Variants in NPL observed in about 807,000 individuals in gnomAD.
NPL encodes the protein N-acetylneuraminate pyruvate lyase, also known as N-acetylneuraminate lyase.
NPL carries 32 observed loss-of-function variants against 41.1 expected under a neutral mutation model. The observed-to-expected ratio is 0.78, with a 90% CI of 0.59 to 1.05. NPL has a LOEUF of 1.05. Ranked by LOEUF, NPL falls within the 50% of genes least tolerant of loss-of-function variation. The pLI, the probability that NPL is intolerant of heterozygous loss-of-function variation, is 0.00. For missense variants in NPL, 321 were observed against 378.4 expected (o/e 0.85, Z 1.26); for synonymous variants, 128 against 134.9 (o/e 0.95, Z 0.35).
intron 2 of NPL, among the ~76,000 whole-genome samples, chr1:182,793,015 A>G (rs1666558967): frequency 6.6e-6 from 1 of 152,244 alleles, no homozygotes; most frequent in Non-Finnish European, 1.5e-5. Context: ...TAATGTCAGA[A>G]CTATAGCATA....
chr1:182,809,881 GC>G (rs1357547069), intron 5 of NPL: 1 of 152,196 alleles, frequency 6.6e-6, no homozygotes, highest in Admixed American at 6.5e-5. Context: ...AAGAGGAAGA[GC>G]AAATGGATGA....
chr1:182,818,693 A>AG lies in NPL; in HGVS notation c.606+5dup, dbSNP rs1557951139. ...TTTCCTTTTTGGGGTGGATGAGGTA[A>AG]GTCACCCCCTAGCATGTTGCAGCAG... is the stretch of plus-strand genomic sequence containing the variant. On this transcript the variant is annotated splice_donor_region_variant and intron_variant, in intron 9 of 12. Coordinates refer to ENST00000367553, the MANE Select transcript of NPL (RefSeq NM_030769.3). 4 of 1,614,028 alleles carry AG rather than the reference A, an allele frequency of 2.5e-6. No individual in the cohort carries two copies. Among genetic ancestry groups the AG allele is most frequent in the Non-Finnish European group, 2.5e-6 (3 of 1,180,030 alleles).
intron 5 of NPL, among the ~76,000 whole-genome samples, chr1:182,807,890 CAA>C (rs61314915): frequency 1.4e-4 from 8 of 56,266 alleles, no homozygotes; most frequent in Non-Finnish European, 2.2e-4. Flanking sequence ...GACTCCATCT[CAA>C]AAAAAAAAAA....
chr1:182,821,304 A>G (rs937944484), intron 10 of NPL, among the ~76,000 whole-genome samples: 3 of 152,232 alleles, frequency 2.0e-5, no homozygotes, highest in Non-Finnish European at 2.9e-5. Context: ...ATGAGTTTCT[A>G]TAACCTTCTA....
Position 182,818,837 on chromosome 1 carries a change from G to A in NPL, c.631G>A (p.Gly211Arg). ...DEQLLSALVM[G>R]ATGAVGSTYN... ...GCAACTGTTGAGTGCTCTGGTGATG[G>A]GAGCAACTGGAGCAGTGGGCAGGTA... Residue 211 changes from glycine to arginine, a missense_variant, in exon 10 of 13, where the codon GGA (glycine) becomes AGA (arginine). Transcript: ENST00000367553. 6.2e-7 allele frequency: 1 copy of A among 1,614,036 alleles called. No individual in the cohort carries two copies. Among genetic ancestry groups the A allele is most frequent in the Non-Finnish European group, 8.5e-7 (1 of 1,179,962 alleles).
intron 10 of NPL, among the ~76,000 whole-genome samples, chr1:182,820,094 C>T (rs1667448556): frequency 6.6e-6 from 1 of 152,236 alleles, no homozygotes; most frequent in Non-Finnish European, 1.5e-5. Context: ...CTTTAGCATG[C>T]ACATGGCCAG....
chr1:182,800,608 C>T (rs1242252931), intron 3 of NPL, among the ~76,000 whole-genome samples: 1 of 152,038 alleles, frequency 6.6e-6, no homozygotes, highest in Admixed American at 6.6e-5. Flanking sequence ...CAAACTTGCA[C>T]CTGCAGAGTC....
At chr1:182,809,632 CTG>C (rs1667122378) in intron 5 of NPL, among the ~76,000 whole-genome samples, 1 of 151,646 alleles carries the variant, frequency 6.6e-6, no homozygotes, top group South Asian at 2.1e-4. Flanking sequence ...ATAAGGGAGT[CTG>C]TGTGTGAAAG....
chr1:182,793,374 G>A (rs1230141853), intron 2 of NPL, among the ~76,000 whole-genome samples: 1 of 152,112 alleles, frequency 6.6e-6, no homozygotes, highest in Non-Finnish European at 1.5e-5. Flanking sequence ...GAGATCCTTT[G>A]GCCCCAAATG....
In NPL at chr1:182,818,760, A is replaced by G. The variant is rs779158340; in HGVS notation, c.607-53A>G. On this transcript the variant is annotated intron_variant, in intron 9 of 12. Transcript: ENST00000367553. ...ACAATTTGTGTAGCTATATAGTAGC[A>G]TCTCTTCTCTTTCTCTTTTTTATAC... The G allele has an allele frequency of 3.7e-6, 6 of 1,613,538 alleles. No homozygotes were observed. The South Asian group carries it at 6.6e-5, about 18-fold the overall frequency.
At chr1:182,812,937 G>A (rs1025882724) in intron 6 of NPL, among the ~76,000 whole-genome samples, 10 of 152,000 alleles carry the variant, frequency 6.6e-5, no homozygotes, top group African/African-American at 2.4e-4. Context: ...GGCAGATCAC[G>A]AGGTCAGGAG....
At chr1:182,790,062 C>G (rs1270416930) in intron 1 of NPL, among the ~76,000 whole-genome samples, 2 of 152,220 alleles carry the variant, frequency 1.3e-5, no homozygotes, top group Non-Finnish European at 2.9e-5. Context: ...GCCGGGTCTC[C>G]AAAGGTCCTT....
chr1:182,825,051 C>T (rs1667595525), intron 11 of NPL, among the ~76,000 whole-genome samples: 1 of 152,152 alleles, frequency 6.6e-6, no homozygotes, highest in African/African-American at 2.4e-5. Context: ...GCCAAAATCA[C>T]AGAATGCTTT....
At chr1:182,798,056 T>C (rs1485850830) in intron 3 of NPL, among the ~76,000 whole-genome samples, 1 of 152,130 alleles carries the variant, frequency 6.6e-6, no homozygotes, top group Non-Finnish European at 1.5e-5. Flanking sequence ...ATGTTCCCAC[T>C]TAATCTTGAC....
chr1:182,818,763 T>A (rs748455450), intron 9 of NPL, 50 bp from the exon 10 acceptor site: 1 of 1,613,656 alleles, frequency 6.2e-7, no homozygotes, highest in South Asian at 1.1e-5. Flanking sequence ...TAGTAGCATC[T>A]CTTCTCTTTC....
chr1:182,825,378 A>G (rs1667604354), intron 11 of NPL, among the ~76,000 whole-genome samples: 1 of 152,240 alleles, frequency 6.6e-6, no homozygotes, highest in Admixed American at 6.5e-5. Context: ...ATTGATTCCC[A>G]TAAATCTTAG....
At chr1:182,806,417 A>G in intron 5 of NPL, 185 bp downstream of exon 5, 2 of 1,539,038 alleles carry the variant, frequency 1.3e-6, no homozygotes, top group Non-Finnish European at 1.7e-6. Flanking sequence ...CTTTCTGTGC[A>G]GAAGGGCAGC....
Position 182,828,623 on chromosome 1 carries a change from T to G in NPL, c.779-101T>G. The G allele has an allele frequency of 6.9e-7, 1 of 1,441,986 alleles. No homozygotes were observed. The highest frequency in any genetic ancestry group is 9.6e-7 in the Non-Finnish European group (1 of 1,036,846). 89.3% of individuals were successfully genotyped at this position (1,441,986 alleles called of 1,614,324 possible). A position where few individuals can be genotyped will look rare whatever the true frequency, so the allele number is the denominator to read the frequency against. On this transcript the variant is annotated intron_variant, in intron 12 of 12. Coordinates refer to ENST00000367553, the MANE Select transcript of NPL (RefSeq NM_030769.3). This position sits in a 1 kb window ranked among gnomAD's most constrained non-coding sequence, Gnocchi z 4.0. ...CCCATCTTTTGTTTTAATCTTACCC[T>G]GTTGTAGTAGTTGCTGTTAGCATAT...
intron 10 of NPL, among the ~76,000 whole-genome samples, chr1:182,821,456 C>A (rs1168737028): frequency 2.0e-5 from 3 of 152,078 alleles, no homozygotes; most frequent in Non-Finnish European, 4.4e-5. Flanking sequence ...TTATAGAAGA[C>A]AACATGAAGC....
Sources: allele counts gnomAD v4.1 joint callset (sites outside exome capture counted in the v4.1 genomes callset), GRCh38; gene constraint gnomAD v4.1.1; non-coding constraint Gnocchi (gnomAD v3.1); transcripts MANE v1.5; gene names NCBI Gene and HGNC (gene_info 2026-07-23, HGNC 2026-07-21).